Variants in KLF13 observed in about 807,000 individuals in gnomAD.
The protein encoded by KLF13 is Krueppel-like factor 13.
Under a neutral mutation model 16.7 loss-of-function variants are expected in KLF13, and 8 were observed. The ratio of observed to expected loss-of-function variants is 0.48; its 90% CI spans 0.28 to 0.87. The LOEUF is 0.87. Among genes scored for constraint, KLF13 ranks in the 40% least tolerant of loss-of-function variants. KLF13 has a pLI of 0.10. For synonymous variants in KLF13, 245 were observed against 208.4 expected, an observed-to-expected ratio of 1.18 and a Z score of -1.51; for missense variants, 447 against 452.2, an observed-to-expected ratio of 0.99 and a Z score of 0.10.
intron 1 of KLF13, among the ~76,000 whole-genome samples, chr15:31,340,248 A>G (rs938238482): frequency 1.4e-4 from 22 of 152,280 alleles, no homozygotes; most frequent in Non-Finnish European, 1.6e-4. Context: ...ACCTGCCTAC[A>G]AAGCCTCTCT....
chr15:31,408,524 A>T (rs535126721), downstream of KLF13, among the ~76,000 whole-genome samples: 2 of 152,266 alleles, frequency 1.3e-5, no homozygotes, highest in East Asian at 1.9e-4. Flanking sequence ...TTATATAATG[A>T]GAATAACCAT....
intron 2 of KLF13, among the ~76,000 whole-genome samples, chr15:31,402,019 C>A (rs1280577512): frequency 6.6e-6 from 1 of 152,252 alleles, no homozygotes; most frequent in African/African-American, 2.4e-5. Context: ...ATCCTGCTGC[C>A]ATCCACTTCG....
chr15:31,425,853 G>C lies in KLF13; in HGVS notation n.118-9517G>C, dbSNP rs191404624. On this transcript the variant is annotated intron_variant and non_coding_transcript_variant, in intron 1 of 1. Transcript: ENST00000558225. ...GATCGCGCCACTGCACTCCAGCCTGGCCAACAAGAGTGAAACTCCGTCTCA... is the reference window on the plus strand; with the variant it reads ...GATCGCGCCACTGCACTCCAGCCTGCCCAACAAGAGTGAAACTCCGTCTCA... Among the ~76,000 whole-genome samples the C allele has an allele frequency of 2.6e-5, 4 of 152,264 alleles. No homozygotes were observed. In the East Asian group the frequency reaches 7.7e-4, roughly 29 times the overall value.
At chr15:31,364,260 A>G (rs954790052) in intron 1 of KLF13, among the ~76,000 whole-genome samples, 8 of 152,256 alleles carry the variant, frequency 5.3e-5, no homozygotes, top group Admixed American at 4.6e-4. Flanking sequence ...TTTAAAAAAT[A>G]TCTTCGCAAG....
intron 1 of KLF13, among the ~76,000 whole-genome samples, chr15:31,364,216 G>A (rs1399311171): frequency 2.0e-5 from 3 of 152,228 alleles, no homozygotes; most frequent in East Asian, 1.9e-4. Context: ...TATCCTATTC[G>A]AAAACAAAGC....
At chr15:31,391,737 G>A (rs889044988), upstream of KLF13, among the ~76,000 whole-genome samples, 3 of 152,146 alleles carry the variant, frequency 2.0e-5, no homozygotes, top group African/African-American at 4.8e-5. Context: ...GTGTGGGGCT[G>A]TGTGGGCTGG....
At chr15:31,346,064 T>TGCCTCACGCTGAGATGCCC (rs1341168941) in intron 1 of KLF13, among the ~76,000 whole-genome samples, 4 of 152,040 alleles carry the variant, frequency 2.6e-5, no homozygotes, top group African/African-American at 9.7e-5. Flanking sequence ...TACAGATGCC[T>TGCCTCACGCTGAGATGCCC]GCCTCACGCT....
chr15:31,386,104 G>A (rs963517114), intron 1 of KLF13, among the ~76,000 whole-genome samples: 1 of 152,228 alleles, frequency 6.6e-6, no homozygotes, highest in African/African-American at 2.4e-5. Flanking sequence ...TCAGAGCAAG[G>A]TCCCTAACTT....
chr15:31,426,090 C>T (rs556276180), intron 1 of KLF13, among the ~76,000 whole-genome samples: 4 of 152,272 alleles, frequency 2.6e-5, no homozygotes, highest in South Asian at 4.1e-4. Flanking sequence ...TCCTCATCTC[C>T]ATCTGAAACC....
intron 1 of KLF13, among the ~76,000 whole-genome samples, chr15:31,433,366 T>C (rs1436679733): frequency 4.6e-5 from 7 of 152,134 alleles, no homozygotes. Flanking sequence ...GAGGAGTCCC[T>C]TTGCAGATGT....
chr15:31,418,779 C>A (rs2141006643), intron 1 of KLF13, among the ~76,000 whole-genome samples: 1 of 152,200 alleles, frequency 6.6e-6, no homozygotes, highest in South Asian at 2.1e-4. Context: ...TTTTGTGTTG[C>A]TATAAAGAAA....
At chr15:31,329,022 C>CTT (rs200393648) in intron 1 of KLF13, among the ~76,000 whole-genome samples, 1 of 151,906 alleles carries the variant, frequency 6.6e-6, no homozygotes, top group African/African-American at 2.4e-5. Flanking sequence ...CTGAAGGCCC[C>CTT]TTTTTTTTAC....
chr15:31,410,608 CACACACACACACA>C (rs2040181354), intron 1 of KLF13, among the ~76,000 whole-genome samples: 1 of 151,224 alleles, frequency 6.6e-6, no homozygotes. Flanking sequence ...CACACACACA[CACACACACACACA>C]CACACCCCTA....
At chr15:31,350,439 A>T (rs1307919306) in intron 1 of KLF13, among the ~76,000 whole-genome samples, 1 of 152,188 alleles carries the variant, frequency 6.6e-6, no homozygotes, top group Non-Finnish European at 1.5e-5. Context: ...ACAGATCTCA[A>T]AGGAGGGAGT....
chr15:31,329,568 C>T (rs531574216), intron 1 of KLF13, among the ~76,000 whole-genome samples: 1 of 152,258 alleles, frequency 6.6e-6, no homozygotes, highest in South Asian at 2.1e-4. Flanking sequence ...CTGGTGGGTT[C>T]ATCTCCCGCT....
At chr15:31,346,869 A>G (rs1342582550) in intron 1 of KLF13, among the ~76,000 whole-genome samples, 1 of 152,180 alleles carries the variant, frequency 6.6e-6, no homozygotes, top group African/African-American at 2.4e-5. Context: ...TGCTGGCGGC[A>G]TCAGGGAGGG....
At chr15:31,388,460 C>A (rs1295148928), upstream of KLF13, among the ~76,000 whole-genome samples, 8 of 151,784 alleles carry the variant, frequency 5.3e-5, 1 homozygote, top group Admixed American at 5.3e-4. Flanking sequence ...TGTAAAAATA[C>A]AAAATTAGCC....
chr15:31,422,786 G>A (rs1313689117), intron 1 of KLF13, among the ~76,000 whole-genome samples: 1 of 152,090 alleles, frequency 6.6e-6, no homozygotes, highest in Non-Finnish European at 1.5e-5. Context: ...TATAATCTCA[G>A]CATTTTGGGA....
intron 1 of KLF13, among the ~76,000 whole-genome samples, chr15:31,357,421 C>T (rs1011780325): frequency 3.3e-5 from 5 of 152,234 alleles, no homozygotes; most frequent in Non-Finnish European, 5.9e-5. Flanking sequence ...CCTCGAGCTG[C>T]GTGGGGGCTT....
Sources: gnomAD v4.1 joint callset for allele counts (sites outside exome capture counted in the v4.1 genomes callset) on GRCh38, gnomAD v4.1.1 for gene constraint, MANE v1.5 for transcripts, NCBI Gene and HGNC (gene_info 2026-07-23, HGNC 2026-07-21) for gene names.